Variants in PTPRN2 observed in about 807,000 individuals in gnomAD.
The protein encoded by PTPRN2 is receptor-type tyrosine-protein phosphatase N2.
Under a neutral mutation model 118.8 loss-of-function variants are expected in PTPRN2, and 74 were observed. That is an observed-to-expected ratio of 0.62 (90% CI 0.52 to 0.76). PTPRN2 has a LOEUF of 0.76. Ranked by LOEUF, PTPRN2 falls within the 30% of genes least tolerant of loss-of-function variation. The pLI, the probability that PTPRN2 is intolerant of heterozygous loss-of-function variation, is 0.00. For synonymous variants in PTPRN2, 641 were observed against 608.0 expected (o/e 1.05, Z -0.80); for missense variants, 1,481 against 1,394.4 (o/e 1.06, Z -0.99).
chr7:157,709,900 G>A (rs1798516950), intron 12 of PTPRN2, among the ~76,000 whole-genome samples: 1 of 152,250 alleles, frequency 6.6e-6, no homozygotes, highest in Non-Finnish European at 1.5e-5. Context: ...TGGCAGGGAT[G>A]TTTTGGGGGA....
intron 1 of PTPRN2, among the ~76,000 whole-genome samples, chr7:158,492,401 G>A (rs906275781): frequency 6.6e-6 from 1 of 152,252 alleles, no homozygotes; most frequent in African/African-American, 2.4e-5. Flanking sequence ...GAGGCACCGG[G>A]AAGAAAGCCC....
At chr7:158,268,217 C>T (rs914738966) in intron 3 of PTPRN2, among the ~76,000 whole-genome samples, 2 of 152,196 alleles carry the variant, frequency 1.3e-5, no homozygotes, top group Non-Finnish European at 2.9e-5. Context: ...GCCGCACGCA[C>T]ACAGAGCGGG....
intron 2 of PTPRN2, among the ~76,000 whole-genome samples, chr7:158,334,663 C>A (rs1428317422): frequency 1.2e-5 from 1 of 84,246 alleles, no homozygotes; most frequent in African/African-American, 3.9e-5. Flanking sequence ...ATTGGTGACA[C>A]CTGCAGACGT....
intron 1 of PTPRN2, among the ~76,000 whole-genome samples, chr7:158,572,810 T>G (rs1828119521): frequency 6.6e-6 from 1 of 152,194 alleles, no homozygotes; most frequent in South Asian, 2.1e-4. Flanking sequence ...CAGTAAAAAA[T>G]TATTAAGCTG....
At chr7:157,772,482 C>T (rs1802940507) in intron 12 of PTPRN2, among the ~76,000 whole-genome samples, 2 of 152,220 alleles carry the variant, frequency 1.3e-5, no homozygotes, top group South Asian at 4.1e-4. Flanking sequence ...CAGCAGAGTC[C>T]TGCTCAGTGC....
At chr7:157,778,482 G>A (rs377023438) in intron 12 of PTPRN2, among the ~76,000 whole-genome samples, 16 of 151,302 alleles carry the variant, frequency 1.1e-4, no homozygotes, top group African/African-American at 1.7e-4. Context: ...GGGTGCCCAT[G>A]TAAACATGTA....
rs1322072714 is a variant in PTPRN2, at chr7:158,085,097, CCACACCCAT to C, written c.1644-3729_1644-3721del. Among the ~76,000 whole-genome samples the C allele has an allele frequency of 3.6e-5, 5 of 138,912 alleles. No homozygotes were observed. In the East Asian group the frequency reaches 7.1e-4, roughly 20 times the overall value. 91.1% of individuals were successfully genotyped at this position (138,912 alleles called of 152,430 possible). A position where few individuals can be genotyped will look rare whatever the true frequency, so the allele number is the denominator to read the frequency against. On this transcript the variant is annotated intron_variant, in intron 10 of 22. Transcript: ENST00000389418. ...CCACACAGATGCCCATCCACACCCA[CCACACCCAT>C]CCACACCCATGACGCCCATCCACAC...
chr7:157,663,812 A>T (rs1475005470), intron 13 of PTPRN2, among the ~76,000 whole-genome samples: 1 of 152,238 alleles, frequency 6.6e-6, no homozygotes, highest in Non-Finnish European at 1.5e-5. Flanking sequence ...TTCATAATGG[A>T]AATTCTATAG....
chr7:158,249,075 CCACA>C (rs747151809), intron 3 of PTPRN2, among the ~76,000 whole-genome samples: 12 of 149,922 alleles, frequency 8.0e-5, no homozygotes, highest in Non-Finnish European at 1.3e-4. Flanking sequence ...CACACATACA[CCACA>C]CACACCACAC....
In PTPRN2 at chr7:158,165,998, G is replaced by T. The variant is rs149077451; in HGVS notation, c.910+933C>A. Among the ~76,000 whole-genome samples, 944 of 152,156 alleles carry T rather than the reference G, an allele frequency of 6.2e-3. 11 individuals are homozygous for T. Among genetic ancestry groups the T allele is most frequent in the African/African-American group, 0.022 (907 of 41,500 alleles). On this transcript the variant is annotated intron_variant, in intron 6 of 22. Transcript: ENST00000389418. ...GCAAACCGCCATAAATATGGGCTAC[G>T]GTCACATGCTGGGCCACAGGGAGAG...
chr7:158,357,230 C>T (rs993781052), intron 2 of PTPRN2, among the ~76,000 whole-genome samples: 1 of 152,370 alleles, frequency 6.6e-6, no homozygotes, highest in East Asian at 1.9e-4. Context: ...AGAAAGGAGA[C>T]AAAACGACGC....
chr7:158,436,427 C>T (rs554898730), intron 2 of PTPRN2, among the ~76,000 whole-genome samples: 2 of 131,426 alleles, frequency 1.5e-5, no homozygotes, highest in East Asian at 2.4e-4. Flanking sequence ...GATGGAGTCT[C>T]TCGAGTTCTG....
At chr7:157,838,944 G>A (rs1420153993) in intron 12 of PTPRN2, among the ~76,000 whole-genome samples, 2 of 138,454 alleles carry the variant, frequency 1.4e-5, no homozygotes, top group African/African-American at 6.2e-5. Context: ...CCTCTCCACT[G>A]TGGCTACTCC....
At chr7:157,594,494 G>A (rs924681276) in intron 17 of PTPRN2, among the ~76,000 whole-genome samples, 7 of 152,330 alleles carry the variant, frequency 4.6e-5, no homozygotes, top group South Asian at 2.1e-4. Context: ...GGATTCTGCC[G>A]CATGGGTGAC....
intron 6 of PTPRN2, 90 bp downstream of exon 6, chr7:158,166,841 C>A (rs1252652134): frequency 2.2e-6 from 3 of 1,367,878 alleles, no homozygotes; most frequent in Non-Finnish European, 9.5e-7. Context: ...GCAGACCCCA[C>A]GTGTGGGAAG....
intron 10 of PTPRN2, among the ~76,000 whole-genome samples, chr7:158,092,476 G>A (rs927464711): frequency 1.3e-5 from 2 of 151,774 alleles, no homozygotes; most frequent in Non-Finnish European, 2.9e-5. Flanking sequence ...TGGGTGGTTT[G>A]GTGGATAGAG....
chr7:158,337,543 T>A (rs1169245355), intron 2 of PTPRN2, among the ~76,000 whole-genome samples: 8 of 140,472 alleles, frequency 5.7e-5, no homozygotes, highest in African/African-American at 2.2e-4. Flanking sequence ...CCTGCAGACG[T>A]CATTCACACC....
At chr7:158,527,575 C>T (rs948713404) in intron 1 of PTPRN2, among the ~76,000 whole-genome samples, 7 of 152,204 alleles carry the variant, frequency 4.6e-5, no homozygotes, top group African/African-American at 1.4e-4. Context: ...ACAGGGACTA[C>T]GGTCAGTGTC....
chr7:157,862,239 A>G (rs1042446245), intron 12 of PTPRN2, among the ~76,000 whole-genome samples: 9 of 152,234 alleles, frequency 5.9e-5, no homozygotes, highest in African/African-American at 2.2e-4. Context: ...TCCTATGTCC[A>G]CGGAAGGTCC....
Sources: allele counts gnomAD v4.1 joint callset (sites outside exome capture counted in the v4.1 genomes callset), GRCh38; gene constraint gnomAD v4.1.1; transcripts MANE v1.5; gene names NCBI Gene and HGNC (gene_info 2026-07-23, HGNC 2026-07-21).